The following USP35 variants were observed in gnomAD, a reference collection of about 807,000 sequenced individuals.
USP35 encodes the protein ubiquitin carboxyl-terminal hydrolase 35.
Under a neutral mutation model 83.8 loss-of-function variants are expected in USP35, and 69 were observed. The observed-to-expected ratio is 0.82, with a 90% CI of 0.68 to 1.01. The LOEUF (loss-of-function observed/expected upper bound fraction) is 1.01, where lower values mean the gene tolerates loss of function less well. USP35 is among the 50% of genes least tolerant of loss of function. The pLI, the probability that USP35 is intolerant of heterozygous loss-of-function variation, is 0.00. For synonymous variants in USP35, 714 were observed against 589.5 expected (o/e 1.21, Z -3.06); for missense variants, 1,503 against 1,362.5 (o/e 1.10, Z -1.62).
At chr11:78,222,606 G>A in the USP35 span, among the ~76,000 whole-genome samples, 18 of 150,162 alleles carry the variant, frequency 1.2e-4, no homozygotes, top group African/African-American at 4.2e-4. Context: ...TTTTTAAGAC[G>A]GGGTCTCACT....
chr11:78,200,373 C>G, intron 5 of USP35, 139 bp downstream of exon 5: 1 of 1,073,380 alleles, frequency 9.3e-7, no homozygotes, highest in Non-Finnish European at 1.4e-6. Context: ...GGCCAAGCAG[C>G]TGGATCGTGG....
Position 78,210,675 on chromosome 11 carries a change from C to A in USP35, c.2820C>A (p.Val940=), listed in dbSNP as rs1863733630. 6.2e-7 allele frequency: 1 copy of A among 1,609,216 alleles called. No individual in the cohort carries two copies. The highest frequency in any genetic ancestry group is 8.5e-7 in the Non-Finnish European group (1 of 1,177,262). ...AGGCTGAGTTGGGCTCTTCTAGAGT[C>A]CGGACAGAGCCCACCCTGCACAAGG... ...GPEAELGSSR[V]RTEPTLHKDL... is the part of the protein sequence containing the mutation. The change falls in exon 10 of 11, where the codon GTC becomes GTA. Residue 940 remains valine, a synonymous_variant. Coordinates refer to ENST00000529308, the MANE Select transcript of USP35 (RefSeq NM_020798.4).
intron 1 of USP35, among the ~76,000 whole-genome samples, chr11:78,193,849 G>C (rs1863068684): frequency 6.6e-6 from 1 of 151,956 alleles, no homozygotes; most frequent in Admixed American, 6.5e-5. Flanking sequence ...TTCTTTTTTT[G>C]AGACAGGGTC....
Position 78,196,619 on chromosome 11 carries a change from GGC to G in USP35, c.378_379del (p.Glu127GlyfsTer104). On this transcript the variant is annotated frameshift_variant, in exon 2 of 11. Coordinates refer to ENST00000529308, the MANE Select transcript of USP35 (RefSeq NM_020798.4). LOFTEE classifies it high-confidence loss of function. The surrounding 1 kb of genome is among the most constrained non-coding windows in gnomAD (Gnocchi z 4.8). ...GCCGACGAGGTGTTCGCGCTGCTGC[GGC>G]GCGAGGTGCTGCGCACCGTGTGCGA... 1 of 1,296,524 alleles carries G rather than the reference GGC, an allele frequency of 7.7e-7. No homozygotes were observed. The highest frequency in any genetic ancestry group is 9.8e-7 in the Non-Finnish European group (1 of 1,025,564). The allele number at this position is 1,296,524 out of a possible 1,614,324, so 80.3% of individuals were successfully genotyped here. A position where few individuals can be genotyped will look rare whatever the true frequency, so the allele number is the denominator to read the frequency against.
chr11:78,218,326 G>C (rs1483881422), downstream of USP35: 2 of 152,808 alleles, frequency 1.3e-5, no homozygotes, highest in African/African-American at 4.8e-5. Flanking sequence ...CCTTTACCAT[G>C]TGTTCCTGCC....
Position 78,209,649 on chromosome 11 carries a change from C to A in USP35, c.1794C>A (p.Leu598=). Residue 598 remains leucine (L), a synonymous_variant, in exon 10 of 11, where the codon CTC becomes CTA. Coordinates refer to ENST00000529308, the MANE Select transcript of USP35 (RefSeq NM_020798.4). ...AGGAGGCCTTCACGGACCTCTCTCT[C>A]GCCTTCCCTCCTCCTGAGCGCTGTC... The part of the protein sequence containing the change: ...SREEAFTDLS[L]AFPPPERCRR... 6.2e-7 allele frequency: 1 copy of A among 1,614,112 alleles called. No homozygotes were observed. The highest frequency in any genetic ancestry group is 8.5e-7 in the Non-Finnish European group (1 of 1,179,994).
At chr11:78,228,371 T>C in the USP35 span, among the ~76,000 whole-genome samples, 1 of 152,224 alleles carries the variant, frequency 6.6e-6, no homozygotes, top group Non-Finnish European at 1.5e-5. Context: ...ATTCTAAGCC[T>C]TTTGGAGGCT....
rs772402379 is a variant in USP35, at chr11:78,210,546, G to A, written c.2691G>A (p.Arg897=). The change falls in exon 10 of 11, where the codon CGG becomes CGA. Residue 897 remains arginine (R), a synonymous_variant. Transcript: ENST00000529308. ...AGTGGTACCTGTTCAATGACACTCG[G>A]GTGTCCTTCTCTTCCTTCGAATCTG... ...ENQWYLFNDT[R]VSFSSFESVS... 3.1e-6 allele frequency: 5 copies of A among 1,612,932 alleles called. No individual in the cohort carries two copies. In the African/African-American group the frequency reaches 6.7e-5, roughly 22 times the overall value.
chr11:78,203,616 T>C (rs1303944089), intron 6 of USP35, among the ~76,000 whole-genome samples: 1 of 152,102 alleles, frequency 6.6e-6, no homozygotes, highest in African/African-American at 2.4e-5. Flanking sequence ...TCTTGCTCTG[T>C]TGCCCAGGCT....
At chr11:78,222,623 C>T in the USP35 span, among the ~76,000 whole-genome samples, 32 of 151,784 alleles carry the variant, frequency 2.1e-4, no homozygotes, top group Non-Finnish European at 3.5e-4. Context: ...CACTCTGTTG[C>T]TCAGGCTGGA....
In USP35 at chr11:78,210,329, A is replaced by G. The variant is rs781040061; in HGVS notation, c.2474A>G (p.Asp825Gly). 22 of 1,612,944 alleles carry G rather than the reference A, an allele frequency of 1.4e-5. No homozygotes were observed. The Admixed American group carries it at 3.5e-4, about 26-fold the overall frequency. ...ACCATGCGGCGCCGCAAGATCCTGG[A>G]TGACGTCTCCATCCCCCTGCTGCTC... is the stretch of plus-strand genomic sequence containing the variant. Reference protein sequence around the residue: ...LRTMRRRKILDDVSIPLLLRL... With the variant: ...LRTMRRRKILGDVSIPLLLRL... The change falls in exon 10 of 11, where the codon GAT becomes GGT. Residue 825 changes from aspartate (D) to glycine (G), a missense_variant. Transcript: ENST00000529308.
chr11:78,202,632 G>A (rs1016656589), intron 6 of USP35, among the ~76,000 whole-genome samples: 5 of 151,146 alleles, frequency 3.3e-5, no homozygotes, highest in Non-Finnish European at 5.9e-5. Flanking sequence ...CAAAACTTCC[G>A]TTATTTACTT....
At chr11:78,216,040 G>A (rs551244726), downstream of USP35, 1 of 152,654 alleles carries the variant, frequency 6.6e-6, no homozygotes, top group Non-Finnish European at 1.5e-5. Context: ...ACTGGGGATA[G>A]GTACTGCCCA....
the USP35 span, among the ~76,000 whole-genome samples, chr11:78,232,489 AT>A: frequency 2.0e-5 from 3 of 152,296 alleles, no homozygotes; most frequent in Middle Eastern, 3.4e-3. Context: ...AAAGAACTCT[AT>A]TTGTCTTGAC....
rs1275222810 is a variant in USP35, at chr11:78,214,234, A to AGAGAGGCGGG, written c.*422_*423insAGAGGCGGGG. ...ACAGCAGGATCCAAGCCTTGCACAA[A>AGAGAGGCGGG]GGGGTGGGGGGGGCAGTGTCTCCTC... On this transcript the variant is annotated 3_prime_UTR_variant, in exon 11 of 11. Transcript: ENST00000529308. 6 of 96,198 alleles carry AGAGAGGCGGG rather than the reference A, an allele frequency of 6.2e-5. No homozygotes were observed. Among genetic ancestry groups the AGAGAGGCGGG allele is most frequent in the African/African-American group, 3.1e-4 (6 of 19,630 alleles). The allele number at this position is 96,198 out of a possible 1,614,324, so 6.0% of individuals were successfully genotyped here.
At chr11:78,205,774 A>G in intron 6 of USP35, 68 bp from the exon 7 acceptor site, 1 of 1,536,008 alleles carries the variant, frequency 6.5e-7, no homozygotes, top group Non-Finnish European at 8.8e-7. Flanking sequence ...GCCTCCCAGA[A>G]GAGGTGGTAG....
intron 1 of USP35, among the ~76,000 whole-genome samples, chr11:78,194,022 G>A (rs930463185): frequency 6.6e-6 from 1 of 150,926 alleles, no homozygotes; most frequent in African/African-American, 2.4e-5. Flanking sequence ...GTGAGCCACC[G>A]CGCCCGGCCG....
In USP35 at chr11:78,210,386, C is replaced by G; in HGVS notation, c.2531C>G (p.Ala844Gly). 6.2e-7 allele frequency: 1 copy of G among 1,613,816 alleles called. No homozygotes were observed. Among genetic ancestry groups the G allele is most frequent in the South Asian group, 1.1e-5 (1 of 91,088 alleles). ...RLPLAGGRGQ[A>G]YDLCSVVVHS... ...CCACTGGCTGGTGGCCGTGGCCAGG[C>G]CTATGACCTCTGCAGTGTGGTGGTG... Residue 844 changes from alanine (A) to glycine (G), a missense_variant, in exon 10 of 11, where the codon GCC (alanine) becomes GGC (glycine). Transcript: ENST00000529308.
At chr11:78,226,962 C>A in the USP35 span, 8 of 1,613,720 alleles carry the variant, frequency 5.0e-6, no homozygotes, top group Admixed American at 1.2e-4. Context: ...CCCGTTGACA[C>A]AGTGTCCATT....
Sources: allele counts gnomAD v4.1 joint callset (sites outside exome capture counted in the v4.1 genomes callset), GRCh38; gene constraint gnomAD v4.1.1; non-coding constraint Gnocchi (gnomAD v3.1); transcripts MANE v1.5; gene names NCBI Gene and HGNC (gene_info 2026-07-23, HGNC 2026-07-21).